Variants in PAM observed in about 807,000 individuals in gnomAD.
The protein encoded by PAM is peptidyl-glycine alpha-amidating monooxygenase.
Under a neutral mutation model 122.1 loss-of-function variants are expected in PAM, and 72 were observed. The ratio of observed to expected loss-of-function variants is 0.59; its 90% CI spans 0.49 to 0.72. PAM has a LOEUF of 0.72. PAM is among the 30% of genes least tolerant of loss of function. The pLI, the probability that PAM is intolerant of heterozygous loss-of-function variation, is 0.00. For synonymous variants in PAM, 389 were observed against 404.4 expected, an observed-to-expected ratio of 0.96 and a Z score of 0.46; for missense variants, 1,106 against 1,183.7, an observed-to-expected ratio of 0.93 and a Z score of 0.96.
chr5:102,835,612 C>T (rs150807869), intron 1 of PAM, among the ~76,000 whole-genome samples: 15 of 151,864 alleles, frequency 9.9e-5, no homozygotes, highest in Admixed American at 3.3e-4. Context: ...TTAATTTTTG[C>T]TGAGCAGTAA....
intron 3 of PAM, among the ~76,000 whole-genome samples, chr5:102,869,179 T>C (rs1192232480): frequency 2.0e-5 from 3 of 152,224 alleles, no homozygotes; most frequent in African/African-American, 4.8e-5. Context: ...TGATTGATAA[T>C]TGACTGTATC....
chr5:102,975,587 G>A (rs1009727564), intron 15 of PAM, among the ~76,000 whole-genome samples: 5 of 152,084 alleles, frequency 3.3e-5, no homozygotes, highest in Non-Finnish European at 5.9e-5. Context: ...CCTAGGATGC[G>A]TAAGAAAAAT....
At chr5:102,923,593 A>G (rs1748229619) in intron 5 of PAM, among the ~76,000 whole-genome samples, 1 of 152,230 alleles carries the variant, frequency 6.6e-6, no homozygotes, top group African/African-American at 2.4e-5. Context: ...AATAATAGAA[A>G]AAGCTGAGAT....
At chr5:102,858,198 C>T (rs1312383428) in intron 1 of PAM, among the ~76,000 whole-genome samples, 1 of 152,268 alleles carries the variant, frequency 6.6e-6, no homozygotes, top group East Asian at 1.9e-4. Context: ...TTTTTGCAAA[C>T]ACTTTTTTAA....
intron 1 of PAM, among the ~76,000 whole-genome samples, chr5:102,778,375 A>C (rs945223314): frequency 6.6e-6 from 1 of 152,194 alleles, no homozygotes; most frequent in East Asian, 1.9e-4. Context: ...TATTTTAGAC[A>C]AGGAGCATTC....
At chr5:102,757,334 A>G (rs2149624200) in intron 1 of PAM, among the ~76,000 whole-genome samples, 1 of 152,134 alleles carries the variant, frequency 6.6e-6, no homozygotes, top group East Asian at 1.9e-4. Flanking sequence ...AAAAAAAGAT[A>G]AAACTAAATA....
At chr5:102,803,962 CTGA>C (rs1184625137) in intron 1 of PAM, among the ~76,000 whole-genome samples, 1 of 151,892 alleles carries the variant, frequency 6.6e-6, no homozygotes, top group African/African-American at 2.4e-5. Flanking sequence ...GAGCTGACTT[CTGA>C]TGATGGGTCT....
At chr5:102,817,083 C>T (rs1052878383) in intron 1 of PAM, among the ~76,000 whole-genome samples, 1 of 152,112 alleles carries the variant, frequency 6.6e-6, no homozygotes, top group African/African-American at 2.4e-5. Flanking sequence ...CACTCTCACT[C>T]ATGAGATCAT....
intron 11 of PAM, 67 bp downstream of exon 11, chr5:102,950,045 T>G: frequency 1.2e-6 from 1 of 842,838 alleles, no homozygotes; most frequent in Admixed American, 1.9e-5. Flanking sequence ...TTTTTAAAAA[T>G]TATTATGCAA....
At position 102,960,019 on chromosome 5, in the gene PAM, C is replaced by T. The variant is rs2217252; in HGVS notation, c.1050C>T (p.Pro350=). 0.011 allele frequency: 17,590 copies of T among 1,610,326 alleles called. 118 individuals are homozygous for T. Among genetic ancestry groups the T allele is most frequent in the Non-Finnish European group, 0.014 (16,368 of 1,176,924 alleles). The part of the protein sequence containing the change: ...TIPPEANIPI[P]VKSDMVMMHE... ...CACCAGAGGCCAACATTCCAATTCC[C>T]GTGAAGTCTGATATGGTTATGATGC... is the stretch of plus-strand genomic sequence containing the variant. The change falls in exon 13 of 26, where the codon CCC becomes CCT. Residue 350 remains proline, a synonymous_variant. Coordinates refer to ENST00000438793, the MANE Select transcript of PAM (RefSeq NM_001177306.2).
Position 103,009,828 on chromosome 5 carries a change from A to C in PAM, c.2293A>C (p.Asn765His). Residue 765 changes from asparagine (N) to histidine (H), a missense_variant, in exon 21 of 26, where the codon AAT (asparagine) becomes CAT (histidine). By Grantham distance (68) the Asn-to-His change is moderately conservative (BLOSUM62 1). This residue lies in a region of PAM where 333 missense variants were observed against 335.6 expected (regional missense o/e 0.99). Transcript: ENST00000438793. ...PVQGFVMNFS[N>H]GEIIDIFKPV... Reference sequence around the variant, plus strand: ...ACAAGGATTTGTGATGAACTTTTCCAATGGGGAAATTATAGACATCTTCAA... The same window carrying C: ...ACAAGGATTTGTGATGAACTTTTCCCATGGGGAAATTATAGACATCTTCAA... 6.2e-7 allele frequency: 1 copy of C among 1,611,102 alleles called. No homozygotes were observed. The highest frequency in any genetic ancestry group is 8.5e-7 in the Non-Finnish European group (1 of 1,177,776).
intron 14 of PAM, among the ~76,000 whole-genome samples, chr5:102,969,711 C>T (rs568571328): frequency 6.6e-6 from 1 of 152,224 alleles, no homozygotes; most frequent in South Asian, 2.1e-4. Context: ...ATTAAGAGCT[C>T]CATTTTAGAC....
At chr5:102,973,976 C>T (rs1218469493) in intron 14 of PAM, 140 bp from the exon 15 acceptor site, 6 of 565,200 alleles carry the variant, frequency 1.1e-5, no homozygotes, top group East Asian at 5.8e-5. Flanking sequence ...TTTTTTTCCT[C>T]CTATGCTTAA....
intron 14 of PAM, among the ~76,000 whole-genome samples, chr5:102,972,449 T>A (rs1766148926): frequency 1.3e-5 from 2 of 152,006 alleles, no homozygotes; most frequent in Admixed American, 1.3e-4. Context: ...ACCCAGCTAA[T>A]TTTTTTATTT....
intron 16 of PAM, among the ~76,000 whole-genome samples, chr5:102,998,022 G>A (rs1166843700): frequency 6.6e-6 from 1 of 152,234 alleles, no homozygotes; most frequent in Non-Finnish European, 1.5e-5. Context: ...ATGGCTGTCA[G>A]TGAGTAATTT....
intron 1 of PAM, among the ~76,000 whole-genome samples, chr5:102,799,577 G>A (rs952807839): frequency 3.3e-5 from 5 of 152,110 alleles, no homozygotes; most frequent in Non-Finnish European, 7.4e-5. Flanking sequence ...TAATGATATC[G>A]AATTTATACT....
chr5:102,911,269 T>C (rs1186745826), intron 4 of PAM, among the ~76,000 whole-genome samples: 2 of 152,018 alleles, frequency 1.3e-5, no homozygotes, highest in Non-Finnish European at 2.9e-5. Context: ...TTTTGCTGTG[T>C]ACTTCTAATA....
intron 15 of PAM, among the ~76,000 whole-genome samples, chr5:102,985,269 A>G (rs1771410202): frequency 1.3e-5 from 2 of 152,050 alleles, no homozygotes; most frequent in South Asian, 4.1e-4. Context: ...AAGGTCAATG[A>G]AAAAAAAGTT....
chr5:102,989,465 C>T (rs1348768042), intron 15 of PAM, among the ~76,000 whole-genome samples: 1 of 152,136 alleles, frequency 6.6e-6, no homozygotes, highest in Non-Finnish European at 1.5e-5. Context: ...TGTGACTGTA[C>T]CACTGCATTC....
Sources: allele counts gnomAD v4.1 joint callset (sites outside exome capture counted in the v4.1 genomes callset), GRCh38; gene constraint gnomAD v4.1.1; regional missense constraint gnomAD v4.1.1; transcripts MANE v1.5; gene names NCBI Gene and HGNC (gene_info 2026-07-23, HGNC 2026-07-21).